The following DOC2B variants were observed in gnomAD, a reference collection of about 807,000 sequenced individuals.
DOC2B encodes double C2-like domain-containing protein beta.
A neutral mutation model predicts 28.9 loss-of-function variants in DOC2B; 21 were observed. The ratio of observed to expected loss-of-function variants is 0.73; its 90% CI spans 0.52 to 1.05. The LOEUF is 1.05. DOC2B is among the 50% of genes least tolerant of loss of function. The probability of loss-of-function intolerance (pLI) is 0.00; values close to 1 mark genes in which losing one functional copy is unlikely to be tolerated. For missense variants in DOC2B, 384 were observed against 421.1 expected (o/e 0.91, Z 0.77); for synonymous variants, 194 against 178.1 (o/e 1.09, Z -0.71).
At chr17:151,476 C>T (rs984555817) in intron 6 of DOC2B, among the ~76,000 whole-genome samples, 2 of 152,260 alleles carry the variant, frequency 1.3e-5, no homozygotes, top group African/African-American at 2.4e-5. Context: ...TCCCTTTGAG[C>T]GTCATGTCGG....
chr17:153,844 TTG>T (rs1408412371), intron 6 of DOC2B, among the ~76,000 whole-genome samples: 1 of 152,134 alleles, frequency 6.6e-6, no homozygotes, highest in Non-Finnish European at 1.5e-5. Flanking sequence ...GTGTCGTTTG[TTG>T]TGTTTTCGAC....
intron 2 of DOC2B, among the ~76,000 whole-genome samples, chr17:166,586 G>A (rs998362626): frequency 1.2e-4 from 19 of 152,240 alleles, no homozygotes; most frequent in Non-Finnish European, 2.5e-4. Flanking sequence ...ATCACAAGGG[G>A]AGGTTTCTCC....
intron 6 of DOC2B, chr17:155,995 C>G: frequency 1.8e-6 from 1 of 567,134 alleles, no homozygotes; most frequent in Non-Finnish European, 3.1e-6. Context: ...CCTGCATGAC[C>G]CTGGGAAGCC....
intron 1 of DOC2B, among the ~76,000 whole-genome samples, chr17:172,825 A>G (rs932684745): frequency 1.3e-5 from 2 of 152,076 alleles, no homozygotes; most frequent in African/African-American, 4.8e-5. Context: ...CCCACTTTCC[A>G]GAGGAGGAGC....
intron 6 of DOC2B, 132 bp downstream of exon 6, chr17:156,088 T>A: frequency 9.8e-7 from 1 of 1,020,930 alleles, no homozygotes; most frequent in South Asian, 1.7e-5. Context: ...AGGTAGCCCA[T>A]CAGGGAACAC....
chr17:181,458 C>A lies in DOC2B; in HGVS notation c.22G>T (p.Glu8Ter). Residue 8 changes from glutamate (E) to a stop codon, truncating the protein, a stop_gained, in exon 1 of 9, where the codon GAG (glutamate) becomes TAG (stop). Transcript: ENST00000613549. LOFTEE classifies it high-confidence loss of function. The surrounding 1 kb of genome is among the most constrained non-coding windows in gnomAD (Gnocchi z 7.0). Reference protein sequence around the residue: MTLRRRGEKATISIQEHM... With the variant: MTLRRRG ...TCCTGGATGCTGATGGTCGCCTTCT[C>A]CCCGCGCCGCCGGAGGGTCATGCAG... is the stretch of plus-strand genomic sequence containing the variant. 1 of 1,128,882 alleles carries A rather than the reference C, an allele frequency of 8.9e-7. No individual in the cohort carries two copies. 69.9% of individuals were successfully genotyped at this position (1,128,882 alleles called of 1,614,324 possible).
In DOC2B at chr17:181,004, C is replaced by A. The variant is rs1303928582; in HGVS notation, c.373+103G>T. The A allele has an allele frequency of 6.9e-6, 7 of 1,008,842 alleles. No individual in the cohort carries two copies. The highest frequency in any genetic ancestry group is 8.8e-6 in the Non-Finnish European group (7 of 791,066). The allele number at this position is 1,008,842 out of a possible 1,614,324, so 62.5% of individuals were successfully genotyped here. ...GGCGGGGTTGTGAACCGAGGCAGAG[C>A]GCGAGCGCGCGAGGGGGACCGGCGG... On this transcript the variant is annotated intron_variant, in intron 1 of 8. Coordinates refer to ENST00000613549, the MANE Select transcript of DOC2B (RefSeq NM_003585.5). This position sits in a 1 kb window ranked among gnomAD's most constrained non-coding sequence, Gnocchi z 7.0.
chr17:174,092 T>C (rs1229082128), intron 1 of DOC2B, among the ~76,000 whole-genome samples: 1 of 152,184 alleles, frequency 6.6e-6, no homozygotes, highest in Non-Finnish European at 1.5e-5. Flanking sequence ...AATTGGCTAA[T>C]GAAAGGCCAC....
intron 5 of DOC2B, among the ~76,000 whole-genome samples, chr17:156,879 G>C (rs1259681328): frequency 6.6e-6 from 1 of 152,190 alleles, no homozygotes; most frequent in Non-Finnish European, 1.5e-5. Flanking sequence ...GTGCCCAGCT[G>C]GTTCTTACTT....
At chr17:164,960 G>T (rs1597827941) in intron 2 of DOC2B, among the ~76,000 whole-genome samples, 3 of 152,310 alleles carry the variant, frequency 2.0e-5, no homozygotes, top group Admixed American at 2.0e-4. Flanking sequence ...ACCCAGCCGG[G>T]TCAGGGAGGC....
At chr17:178,437 T>C (rs570853809) in intron 1 of DOC2B, among the ~76,000 whole-genome samples, 2 of 152,246 alleles carry the variant, frequency 1.3e-5, no homozygotes, top group Non-Finnish European at 2.9e-5. Context: ...CTTTGAAGAA[T>C]GGACTGGGCT....
At chr17:165,804 G>A (rs527247173) in intron 2 of DOC2B, among the ~76,000 whole-genome samples, 3 of 152,362 alleles carry the variant, frequency 2.0e-5, no homozygotes, top group Admixed American at 1.3e-4. Flanking sequence ...TGCCTGAAGT[G>A]CAGAGTTCTG....
At chr17:164,260 G>T (rs1461511060) in intron 2 of DOC2B, 56 bp from the exon 3 acceptor site, 4 of 1,370,886 alleles carry the variant, frequency 2.9e-6, no homozygotes, top group Non-Finnish European at 4.1e-6. Flanking sequence ...GGAACTGACA[G>T]GGCCTGCAGA....
chr17:166,669 A>G (rs2040269291), intron 2 of DOC2B, among the ~76,000 whole-genome samples: 1 of 151,980 alleles, frequency 6.6e-6, no homozygotes, highest in Admixed American at 6.5e-5. Flanking sequence ...GGTAGTGAAT[A>G]CGTCTCACGA....
chr17:146,939 GC>G lies in DOC2B; in HGVS notation c.*501del. On this transcript the variant is annotated 3_prime_UTR_variant, in exon 9 of 9. Coordinates refer to ENST00000613549, the MANE Select transcript of DOC2B (RefSeq NM_003585.5). ...CTCCGGGAACTCTGGCAGACTTTCG[GC>G]CGGCAGGCCCGCTTCTTCCATCTGT... 6.5e-6 allele frequency: 1 copy of G among 153,578 alleles called. No individual in the cohort carries two copies. The highest frequency in any genetic ancestry group is 2.1e-4 in the South Asian group (1 of 4,846). 9.5% of individuals were successfully genotyped at this position (153,578 alleles called of 1,614,324 possible).
intron 6 of DOC2B, among the ~76,000 whole-genome samples, chr17:150,083 C>G (rs1197338610): frequency 2.0e-5 from 3 of 152,146 alleles, no homozygotes; most frequent in Non-Finnish European, 4.4e-5. Context: ...AGTGACTTGC[C>G]CAAGGTCACA....
rs2040434666 is a variant in DOC2B, at chr17:181,002, A to T, written c.373+105T>A. On this transcript the variant is annotated intron_variant, in intron 1 of 8. Coordinates refer to ENST00000613549, the MANE Select transcript of DOC2B (RefSeq NM_003585.5). The surrounding 1 kb of genome is among the most constrained non-coding windows in gnomAD (Gnocchi z 7.0). ...GCGGCGGGGTTGTGAACCGAGGCAG[A>T]GCGCGAGCGCGCGAGGGGGACCGGC... 1 of 993,816 alleles carries T rather than the reference A, an allele frequency of 1.0e-6. No homozygotes were observed. The highest frequency in any genetic ancestry group is 1.7e-5 in the African/African-American group (1 of 58,880). 61.6% of individuals were successfully genotyped at this position (993,816 alleles called of 1,614,324 possible).
intron 2 of DOC2B, among the ~76,000 whole-genome samples, chr17:165,605 T>C (rs1555523798): frequency 6.6e-6 from 1 of 152,032 alleles, no homozygotes; most frequent in Non-Finnish European, 1.5e-5. Flanking sequence ...CTCCCTTCCC[T>C]GCACGCCAGG....
chr17:175,964 G>T (rs1054572932), intron 1 of DOC2B, among the ~76,000 whole-genome samples: 2 of 152,226 alleles, frequency 1.3e-5, no homozygotes, highest in African/African-American at 4.8e-5. Context: ...AACTCCACTG[G>T]AAGGTCTGTA....
Sources: gnomAD v4.1 joint callset for allele counts (sites outside exome capture counted in the v4.1 genomes callset) on GRCh38, gnomAD v4.1.1 for gene constraint, Gnocchi (gnomAD v3.1) non-coding constraint, MANE v1.5 for transcripts, NCBI Gene and HGNC (gene_info 2026-07-23, HGNC 2026-07-21) for gene names.